The following ITFG2 variants were observed in gnomAD, a reference collection of about 807,000 sequenced individuals.
ITFG2 encodes the protein KICSTOR complex protein ITFG2.
In ITFG2, 36 loss-of-function variants were observed where a neutral mutation model predicts 54.4. The ratio of observed to expected loss-of-function variants is 0.66; its 90% CI spans 0.51 to 0.87. The LOEUF (loss-of-function observed/expected upper bound fraction) is 0.87, where lower values mean the gene tolerates loss of function less well. Ranked by LOEUF, ITFG2 falls within the 40% of genes least tolerant of loss-of-function variation. The pLI is 0.00. For missense variants in ITFG2, 524 were observed against 576.7 expected, an observed-to-expected ratio of 0.91 and a Z score of 0.94; for synonymous variants, 211 against 225.4, an observed-to-expected ratio of 0.94 and a Z score of 0.57.
chr12:2,855,313 G>A, intron 2 of ITFG2: 2 of 1,532,436 alleles, frequency 1.3e-6, no homozygotes, highest in Non-Finnish European at 1.7e-6. Flanking sequence ...ATCTGTGCAG[G>A]GCGGCAGCTT....
chr12:2,819,103 C>T (rs746339893), intron 4 of ITFG2, among the ~76,000 whole-genome samples: 10 of 151,838 alleles, frequency 6.6e-5, no homozygotes, highest in African/African-American at 1.7e-4. Flanking sequence ...CTAAGGCAGG[C>T]GGATCCCTTA....
At chr12:2,816,221 G>A (rs1026338218) in intron 1 of ITFG2, among the ~76,000 whole-genome samples, 10 of 151,582 alleles carry the variant, frequency 6.6e-5, no homozygotes, top group Non-Finnish European at 2.9e-5. Context: ...AGTACAAACG[G>A]GGTTTTACCA....
chr12:2,844,328 C>A (rs1057253029), intron 2 of ITFG2, among the ~76,000 whole-genome samples: 1 of 151,844 alleles, frequency 6.6e-6, no homozygotes, highest in East Asian at 1.9e-4. Context: ...CTGAGGTGGG[C>A]GGATCACATG....
intron 2 of ITFG2, among the ~76,000 whole-genome samples, chr12:2,850,109 A>G (rs992557182): frequency 6.6e-6 from 1 of 152,074 alleles, no homozygotes; most frequent in East Asian, 1.9e-4. Flanking sequence ...TTTTAAACAC[A>G]ACCCACCCAC....
Position 2,824,298 on chromosome 12 carries a change from C to A in ITFG2, c.*105C>A. ...ATAGGGAATATGCATTACAGAAATG[C>A]AGGATTTGACTCTGGGCATGAAAGA... On this transcript the variant is annotated 3_prime_UTR_variant, in exon 12 of 12. Coordinates refer to ENST00000228799, the MANE Select transcript of ITFG2 (RefSeq NM_018463.4). 2 of 1,170,942 alleles carry A rather than the reference C, an allele frequency of 1.7e-6. No individual in the cohort carries two copies. Among genetic ancestry groups the A allele is most frequent in the Admixed American group, 1.9e-5 (1 of 53,124 alleles). 72.5% of individuals were successfully genotyped at this position (1,170,942 alleles called of 1,614,324 possible).
chr12:2,838,621 T>C (rs1316008056), intron 1 of ITFG2, among the ~76,000 whole-genome samples: 2 of 152,208 alleles, frequency 1.3e-5, no homozygotes, highest in Non-Finnish European at 2.9e-5. Flanking sequence ...GAAAATGCCA[T>C]TCTCTGGAAT....
chr12:2,827,527 C>T, downstream of ITFG2: 13 of 1,589,218 alleles, frequency 8.2e-6, no homozygotes, highest in Non-Finnish European at 1.1e-5. The surrounding 1 kb of genome is among the most constrained non-coding windows in gnomAD (Gnocchi z 4.0). Context: ...TTGCCCATCT[C>T]TAAGTCACTC....
At chr12:2,834,953 A>G (rs1349535135), upstream of ITFG2, 2 of 1,591,248 alleles carry the variant, frequency 1.3e-6, no homozygotes, top group Non-Finnish European at 8.5e-7. Flanking sequence ...GAGGGTCTCC[A>G]CGGGAGGGAA....
intron 2 of ITFG2, chr12:2,841,109 A>C (rs1407443072): frequency 6.5e-6 from 1 of 152,680 alleles, no homozygotes; most frequent in Non-Finnish European, 1.5e-5. Flanking sequence ...TCCTATGGCT[A>C]GTCACTCACA....
intron 2 of ITFG2, among the ~76,000 whole-genome samples, chr12:2,848,416 T>C (rs2153927911): frequency 6.6e-6 from 1 of 152,330 alleles, no homozygotes; most frequent in African/African-American, 2.4e-5. Flanking sequence ...CCCTGGTCTT[T>C]GACTCCCTGA....
upstream of ITFG2, chr12:2,835,064 A>G (rs904296857): frequency 2.8e-6 from 4 of 1,445,966 alleles, no homozygotes; most frequent in African/African-American, 2.8e-5. Context: ...ACCCAGTCCT[A>G]GAAGAGAGGG....
chr12:2,840,646 C>T (rs898413535), intron 1 of ITFG2, among the ~76,000 whole-genome samples: 4 of 149,990 alleles, frequency 2.7e-5, no homozygotes, highest in Admixed American at 2.0e-4. Context: ...CTTAGCCGGG[C>T]GAGGTGGCGG....
At chr12:2,821,814 G>A (rs374043687) in intron 9 of ITFG2, 22 bp downstream of exon 9, 2 of 1,574,334 alleles carry the variant, frequency 1.3e-6, no homozygotes, top group African/African-American at 1.3e-5. Context: ...ACCTGGCAGA[G>A]CAGAGCATTC....
chr12:2,855,112 T>G, intron 2 of ITFG2: 1 of 1,533,054 alleles, frequency 6.5e-7, no homozygotes, highest in Non-Finnish European at 8.7e-7. Flanking sequence ...GATGGGGTGC[T>G]CCGTGGGGGG....
chr12:2,817,969 C>G lies in ITFG2; in HGVS notation c.234+19C>G. ...AGGAAAGGTAAGAACTATAGGGGAC[C>G]TTCCTTGGTTCTTAGCTCACAGTGG... On this transcript the variant is annotated intron_variant, in intron 3 of 11. Transcript: ENST00000228799. 6.2e-7 allele frequency: 1 copy of G among 1,613,072 alleles called. No homozygotes were observed. The highest frequency in any genetic ancestry group is 8.5e-7 in the Non-Finnish European group (1 of 1,179,522).
chr12:2,828,267 GA>G, downstream of ITFG2: 3 of 1,404,238 alleles, frequency 2.1e-6, no homozygotes, highest in Non-Finnish European at 2.0e-6. Context: ...TCTAATTTGA[GA>G]ATATTTTCAT....
downstream of ITFG2, chr12:2,826,985 C>T (rs2097970202): frequency 4.4e-6 from 6 of 1,366,668 alleles, no homozygotes; most frequent in Non-Finnish European, 4.7e-6. Context: ...ATCCTGGCAT[C>T]GTGGGCCCTC....
At chr12:2,849,591 C>G in intron 2 of ITFG2, 1 of 1,513,244 alleles carries the variant, frequency 6.6e-7, no homozygotes, top group South Asian at 1.2e-5. Flanking sequence ...AGTGGAGAGA[C>G]GGGGAAGGGG....
downstream of ITFG2, chr12:2,830,991 AC>A (rs1397230217): frequency 5.1e-6 from 4 of 791,208 alleles, no homozygotes; most frequent in African/African-American, 1.0e-4. Flanking sequence ...CTAGGAGTTT[AC>A]CCTAGGGTCC....
Sources: gnomAD v4.1 joint callset for allele counts (sites outside exome capture counted in the v4.1 genomes callset) on GRCh38, gnomAD v4.1.1 for gene constraint, Gnocchi (gnomAD v3.1) non-coding constraint, MANE v1.5 for transcripts, NCBI Gene and HGNC (gene_info 2026-07-23, HGNC 2026-07-21) for gene names.